Variants in KAZN observed in about 807,000 individuals in gnomAD.
KAZN encodes the protein kazrin, periplakin interacting protein.
KAZN carries 40 observed loss-of-function variants against 87.4 expected under a neutral mutation model. The ratio of observed to expected loss-of-function variants is 0.46; its 90% CI spans 0.36 to 0.60. The LOEUF is 0.60. Among genes scored for constraint, KAZN ranks in the 20% least tolerant of loss-of-function variants. The probability of loss-of-function intolerance (pLI) is 0.00; values close to 1 mark genes in which losing one functional copy is unlikely to be tolerated. For synonymous variants in KAZN, 466 were observed against 458.3 expected (o/e 1.02, Z -0.22); for missense variants, 898 against 1,073.9 (o/e 0.84, Z 2.29).
intron 1 of KAZN, among the ~76,000 whole-genome samples, chr1:14,742,023 G>C (rs968787908): frequency 2.6e-5 from 4 of 152,072 alleles, no homozygotes; most frequent in Non-Finnish European, 5.9e-5. Flanking sequence ...CTATGAAATG[G>C]CTATACAGAA....
intron 1 of KAZN, among the ~76,000 whole-genome samples, chr1:14,716,248 G>C (rs1009583011): frequency 1.3e-5 from 2 of 152,172 alleles, no homozygotes; most frequent in Admixed American, 1.3e-4. Context: ...TGCAAAATAA[G>C]TGTGTAGGTC....
chr1:14,348,980 A>G (rs1658317532), intron 2 of KAZN: 1 of 152,224 alleles, frequency 6.6e-6, no homozygotes, highest in Non-Finnish European at 1.5e-5. Context: ...ATTCTGTTCA[A>G]CAGATATTTA....
chr1:15,022,229 G>C (rs1303751444), intron 2 of KAZN, among the ~76,000 whole-genome samples: 1 of 152,040 alleles, frequency 6.6e-6, no homozygotes, highest in Non-Finnish European at 1.5e-5. Flanking sequence ...GCTCCAAACG[G>C]GTCTATCCAG....
chr1:14,294,727 T>G (rs1381748079), intron 2 of KAZN, among the ~76,000 whole-genome samples: 1 of 148,940 alleles, frequency 6.7e-6, no homozygotes, highest in Non-Finnish European at 1.5e-5. Flanking sequence ...GCCAAGTAGA[T>G]TTTAATACCA....
At chr1:14,098,459 C>A (rs772896349) in intron 1 of KAZN, among the ~76,000 whole-genome samples, 1 of 152,150 alleles carries the variant, frequency 6.6e-6, no homozygotes, top group South Asian at 2.1e-4. Flanking sequence ...CTGTTTGCAA[C>A]AGAAGGCAAA....
intron 1 of KAZN, among the ~76,000 whole-genome samples, chr1:14,879,692 C>T (rs1314195236): frequency 6.6e-6 from 1 of 152,106 alleles, no homozygotes; most frequent in East Asian, 1.9e-4. Flanking sequence ...TAGTGGAGAC[C>T]AACTGGGCTC....
chr1:13,985,264 G>T (rs1638955290), intron 1 of KAZN, among the ~76,000 whole-genome samples: 1 of 151,678 alleles, frequency 6.6e-6, no homozygotes, highest in East Asian at 1.9e-4. Context: ...GTGCAGGTTA[G>T]TTACATATGT....
chr1:14,108,961 C>T (rs1326600049), intron 1 of KAZN, among the ~76,000 whole-genome samples: 7 of 152,138 alleles, frequency 4.6e-5, no homozygotes, highest in South Asian at 4.1e-4. Flanking sequence ...TTTAAAAAAT[C>T]GTGTGTATGA....
intron 1 of KAZN, among the ~76,000 whole-genome samples, chr1:14,717,556 GA>G (rs1376664025): frequency 6.6e-6 from 1 of 152,108 alleles, no homozygotes; most frequent in Non-Finnish European, 1.5e-5. Flanking sequence ...CTGTCTCATA[GA>G]AGAACACGCC....
chr1:14,644,724 G>A (rs1256145530), intron 1 of KAZN, among the ~76,000 whole-genome samples: 1 of 152,082 alleles, frequency 6.6e-6, no homozygotes, highest in East Asian at 1.9e-4. Context: ...TCAGATGCAT[G>A]GTTTGCAAAT....
At chr1:14,746,979 A>T (rs906461313) in intron 1 of KAZN, among the ~76,000 whole-genome samples, 13 of 152,166 alleles carry the variant, frequency 8.5e-5, no homozygotes, top group Admixed American at 7.2e-4. Context: ...TATCCATTAA[A>T]CAGTAACTCC....
At chr1:14,473,917 G>T (rs1349298359) in intron 2 of KAZN, among the ~76,000 whole-genome samples, 1 of 152,130 alleles carries the variant, frequency 6.6e-6, no homozygotes, top group Admixed American at 6.5e-5. Context: ...CCTCTGAAAG[G>T]CTTTCCTTGA....
At chr1:13,985,570 G>A (rs12728235) in intron 1 of KAZN, among the ~76,000 whole-genome samples, 7 of 109,510 alleles carry the variant, frequency 6.4e-5, no homozygotes, top group African/African-American at 2.5e-4. Context: ...GTGGGGGGAG[G>A]GGGGAGGGAT....
chr1:14,362,941 C>T (rs1461750559), intron 2 of KAZN, among the ~76,000 whole-genome samples: 1 of 152,102 alleles, frequency 6.6e-6, no homozygotes, highest in Non-Finnish European at 1.5e-5. Flanking sequence ...TCCATGAGGT[C>T]CCCCAATGGC....
At chr1:14,437,473 G>A (rs1021746598) in intron 2 of KAZN, among the ~76,000 whole-genome samples, 4 of 152,308 alleles carry the variant, frequency 2.6e-5, no homozygotes, top group East Asian at 1.9e-4. Flanking sequence ...TGAGACCTGC[G>A]TCTTTGTTCT....
chr1:14,869,140 G>A (rs1651866947), intron 1 of KAZN, among the ~76,000 whole-genome samples: 2 of 152,194 alleles, frequency 1.3e-5, no homozygotes, highest in Admixed American at 1.3e-4. Context: ...TCTAGCCGCA[G>A]GTTGGGATCG....
intron 1 of KAZN, among the ~76,000 whole-genome samples, chr1:14,135,830 A>G (rs1348685899): frequency 6.6e-6 from 1 of 152,230 alleles, no homozygotes; most frequent in Non-Finnish European, 1.5e-5. Flanking sequence ...GCCATCTCGA[A>G]TTAAAATGGA....
chr1:14,611,155 C>T (rs894673377), intron 1 of KAZN, among the ~76,000 whole-genome samples: 2 of 152,162 alleles, frequency 1.3e-5, no homozygotes, highest in Non-Finnish European at 2.9e-5. Flanking sequence ...GAGGTATCAA[C>T]CCAGTGGTCT....
At chr1:14,550,748 C>A (rs1266943277) in intron 2 of KAZN, among the ~76,000 whole-genome samples, 1 of 73,654 alleles carries the variant, frequency 1.4e-5, no homozygotes, top group Non-Finnish European at 3.1e-5. Context: ...TCCCCCACCC[C>A]GCCACCCCCT....
Sources: allele counts gnomAD v4.1 joint callset (sites outside exome capture counted in the v4.1 genomes callset), GRCh38; gene constraint gnomAD v4.1.1; transcripts MANE v1.5; gene names NCBI Gene and HGNC (gene_info 2026-07-23, HGNC 2026-07-21).